The following ADGB variants were observed in gnomAD, a reference collection of about 807,000 sequenced individuals.
ADGB encodes calpain-7-like protein.
Under a neutral mutation model 210.5 loss-of-function variants are expected in ADGB, and 172 were observed. That is an observed-to-expected ratio of 0.82 (90% CI 0.72 to 0.93). The LOEUF is 0.93. Ranked by LOEUF, ADGB falls within the 40% of genes least tolerant of loss-of-function variation. The pLI is 0.00. For synonymous variants in ADGB, 658 were observed against 662.7 expected (o/e 0.99, Z 0.11); for missense variants, 2,025 against 1,964.8 (o/e 1.03, Z -0.58).
In ADGB at chr6:146,732,321, G is replaced by A. The variant is rs573865591; in HGVS notation, c.2521-799G>A. On this transcript the variant is annotated intron_variant, in intron 20 of 35. Coordinates refer to ENST00000397944, the MANE Select transcript of ADGB (RefSeq NM_024694.4). ...GGAATCGGTGACCCACCTAATGGAA[G>A]TCTAGTCCACTGAAAGCAATTTGCC... Among the ~76,000 whole-genome samples the A allele has an allele frequency of 2.5e-4, 38 of 152,282 alleles. No homozygotes were observed. The South Asian group carries it at 7.7e-3, about 31-fold the overall frequency.
At chr6:146,747,783 A>ATT (rs66842165) in intron 26 of ADGB, among the ~76,000 whole-genome samples, 32,780 of 140,858 alleles carry the variant, frequency 0.23, 4,794 homozygotes, top group African/African-American at 0.39. Context: ...ATATATATGT[A>ATT]TTTTTTTTTT....
rs1345366124 is a variant in ADGB at position 146,798,412 on chromosome 6, A to G, written c.4538-2771A>G. Among the ~76,000 whole-genome samples, 3 of 152,212 alleles carry G rather than the reference A, an allele frequency of 2.0e-5. No individual in the cohort carries two copies. In the East Asian group the frequency reaches 5.8e-4, roughly 29 times the overall value. ...GAAACTCACAACAAACTGGTAATAC[A>G]AGCGGATTTCCTCAGACCGATAAAG... is the stretch of plus-strand genomic sequence containing the variant. On this transcript the variant is annotated intron_variant, in intron 33 of 35. Coordinates refer to ENST00000397944, the MANE Select transcript of ADGB (RefSeq NM_024694.4).
chr6:146,772,865 G>A lies in ADGB; in HGVS notation c.3862+3734G>A, dbSNP rs79948813. 5.8e-3 allele frequency among the ~76,000 whole-genome samples: 885 copies of A among 152,130 alleles called. 4 individuals carry two copies. The highest frequency in any genetic ancestry group is 0.018 in the African/African-American group (753 of 41,522). On this transcript the variant is annotated intron_variant, in intron 29 of 35. Coordinates refer to ENST00000397944, the MANE Select transcript of ADGB (RefSeq NM_024694.4). ...AGTTTGTATTATACAAGAAAGTCTTGAAGGATACCAAGCATGAGAAATAAA... is the reference window on the plus strand; with the variant it reads ...AGTTTGTATTATACAAGAAAGTCTTAAAGGATACCAAGCATGAGAAATAAA...
chr6:146,786,576 C>G (rs1326435347), intron 32 of ADGB, among the ~76,000 whole-genome samples: 1 of 152,102 alleles, frequency 6.6e-6, no homozygotes, highest in Non-Finnish European at 1.5e-5. Context: ...TCACTTTAAC[C>G]TATAGCAACT....
intron 20 of ADGB, among the ~76,000 whole-genome samples, chr6:146,729,634 G>A (rs1371636672): frequency 6.6e-6 from 1 of 151,948 alleles, no homozygotes; most frequent in Non-Finnish European, 1.5e-5. Flanking sequence ...TGAAGAGATG[G>A]GGTCTCACTA....
At chr6:146,697,956 T>C (rs975550589) in intron 12 of ADGB, among the ~76,000 whole-genome samples, 1 of 152,154 alleles carries the variant, frequency 6.6e-6, no homozygotes, top group Non-Finnish European at 1.5e-5. Flanking sequence ...TCACAAAATT[T>C]AGACCAAAGA....
intron 10 of ADGB, among the ~76,000 whole-genome samples, chr6:146,686,613 G>A (rs758348232): frequency 1.3e-5 from 2 of 151,924 alleles, no homozygotes; most frequent in African/African-American, 2.4e-5. Context: ...TAATTTTTAA[G>A]CTATCTATTG....
intron 15 of ADGB, 71 bp downstream of exon 15, chr6:146,717,140 G>A: frequency 1.6e-6 from 2 of 1,238,444 alleles, no homozygotes; most frequent in South Asian, 3.2e-5. Context: ...AGTATACAAA[G>A]TCACATTAAG....
At chr6:146,649,778 C>G (rs1305866228) in intron 3 of ADGB, among the ~76,000 whole-genome samples, 1 of 152,042 alleles carries the variant, frequency 6.6e-6, no homozygotes, top group Non-Finnish European at 1.5e-5. Flanking sequence ...AGGTGTGAGC[C>G]ACCATGACTG....
intron 12 of ADGB, among the ~76,000 whole-genome samples, chr6:146,693,442 G>C (rs981949812): frequency 6.6e-6 from 1 of 152,130 alleles, no homozygotes; most frequent in Non-Finnish European, 1.5e-5. Context: ...AACCCTGCTG[G>C]CACCCATCCT....
chr6:146,712,493 TG>T (rs771631551), intron 13 of ADGB, among the ~76,000 whole-genome samples: 6 of 151,740 alleles, frequency 4.0e-5, no homozygotes, highest in Non-Finnish European at 5.9e-5. Flanking sequence ...GGCCCTGGGT[TG>T]TTTTTTTTGT....
intron 29 of ADGB, among the ~76,000 whole-genome samples, chr6:146,777,118 T>C (rs1243044477): frequency 6.6e-6 from 1 of 152,018 alleles, no homozygotes; most frequent in Non-Finnish European, 1.5e-5. Flanking sequence ...AAGTAATTTA[T>C]AAATATGGGT....
At chr6:146,767,630 G>A (rs947260434) in intron 28 of ADGB, among the ~76,000 whole-genome samples, 11 of 151,966 alleles carry the variant, frequency 7.2e-5, no homozygotes, top group East Asian at 1.9e-4. Context: ...CCCCACACCC[G>A]GCTAATATTT....
chr6:146,676,797 A>G (rs1776091416), intron 9 of ADGB, among the ~76,000 whole-genome samples: 1 of 152,220 alleles, frequency 6.6e-6, no homozygotes, highest in Non-Finnish European at 1.5e-5. Flanking sequence ...GCCACCAAAT[A>G]AAACAAAAAG....
chr6:146,724,603 C>T (rs184503060), intron 18 of ADGB: 40 of 216,566 alleles, frequency 1.8e-4, no homozygotes, highest in Admixed American at 3.4e-4. Context: ...TTTAACCCAG[C>T]ATTTTCTAAA....
intron 32 of ADGB, among the ~76,000 whole-genome samples, chr6:146,786,316 C>G (rs1777873881): frequency 6.6e-6 from 1 of 151,436 alleles, no homozygotes; most frequent in African/African-American, 2.4e-5. Context: ...TGCAGACAGG[C>G]CCTTCATAAT....
intron 30 of ADGB, among the ~76,000 whole-genome samples, chr6:146,784,391 AT>A (rs1204053050): frequency 6.6e-6 from 1 of 152,188 alleles, no homozygotes; most frequent in Non-Finnish European, 1.5e-5. Flanking sequence ...ATATGACTAT[AT>A]TACAATTTGT....
At chr6:146,812,946 A>C (rs1256655838) in intron 35 of ADGB, among the ~76,000 whole-genome samples, 1 of 152,096 alleles carries the variant, frequency 6.6e-6, no homozygotes, top group Non-Finnish European at 1.5e-5. Context: ...GTGTTGCATG[A>C]CTCAGCCTCC....
intron 28 of ADGB, among the ~76,000 whole-genome samples, chr6:146,764,490 G>C (rs1272363023): frequency 6.6e-6 from 1 of 151,954 alleles, no homozygotes; most frequent in Non-Finnish European, 1.5e-5. Context: ...AGGGAAAAAA[G>C]ATAATGTACA....
Sources: allele counts gnomAD v4.1 joint callset (sites outside exome capture counted in the v4.1 genomes callset), GRCh38; gene constraint gnomAD v4.1.1; transcripts MANE v1.5; gene names NCBI Gene and HGNC (gene_info 2026-07-23, HGNC 2026-07-21).